Variants in ETV6 observed in about 807,000 individuals in gnomAD.
ETV6 encodes the protein transcription factor ETV6.
A neutral mutation model predicts 51.1 loss-of-function variants in ETV6; 16 were observed. The ratio of observed to expected loss-of-function variants is 0.31; its 90% CI spans 0.21 to 0.48. The LOEUF (loss-of-function observed/expected upper bound fraction) is 0.48. Ranked by LOEUF, ETV6 falls within the 20% of genes least tolerant of loss-of-function variation. The probability of loss-of-function intolerance (pLI) is 0.99; values close to 1 mark genes in which losing one functional copy is unlikely to be tolerated. For missense variants in ETV6, 458 were observed against 594.8 expected (o/e 0.77, Z 2.39); for synonymous variants, 240 against 224.1 (o/e 1.07, Z -0.64).
At chr12:11,840,012 A>C (rs1466625891) in intron 3 of ETV6, among the ~76,000 whole-genome samples, 1 of 152,234 alleles carries the variant, frequency 6.6e-6, no homozygotes, top group Admixed American at 6.5e-5. Context: ...TAGAAAAGAA[A>C]ATAGAACTGG....
At chr12:11,775,690 A>C (rs1025148759) in intron 2 of ETV6, among the ~76,000 whole-genome samples, 4 of 152,200 alleles carry the variant, frequency 2.6e-5, no homozygotes, top group African/African-American at 9.7e-5. Flanking sequence ...GTCATTGCTC[A>C]CACTGAGTCC....
intron 1 of ETV6, among the ~76,000 whole-genome samples, chr12:11,727,764 A>G (rs1251825576): frequency 6.6e-6 from 1 of 152,228 alleles, no homozygotes; most frequent in Admixed American, 6.5e-5. Flanking sequence ...TGGTGGCTCC[A>G]TGACAGGAGA....
At chr12:11,863,036 T>G (rs1946738071) in intron 4 of ETV6, among the ~76,000 whole-genome samples, 1 of 152,168 alleles carries the variant, frequency 6.6e-6, no homozygotes, top group South Asian at 2.1e-4. Flanking sequence ...CTGGTGACCT[T>G]CTTCTCTGAC....
At chr12:11,812,316 A>G (rs1250019063) in intron 2 of ETV6, among the ~76,000 whole-genome samples, 5 of 152,094 alleles carry the variant, frequency 3.3e-5, no homozygotes, top group African/African-American at 9.7e-5. Flanking sequence ...TGGCTGTACT[A>G]TGTGCTGTTA....
intron 2 of ETV6, among the ~76,000 whole-genome samples, chr12:11,789,046 G>C (rs1308721417): frequency 3.9e-5 from 6 of 151,968 alleles, no homozygotes; most frequent in Admixed American, 3.9e-4. Flanking sequence ...TGTTGTTGCT[G>C]TTTTGAGACA....
chr12:11,669,195 ATAG>A (rs1186266641), intron 1 of ETV6, among the ~76,000 whole-genome samples: 3 of 152,222 alleles, frequency 2.0e-5, no homozygotes, highest in Non-Finnish European at 4.4e-5. Context: ...TTCACAAATC[ATAG>A]TAGAACTCTT....
chr12:11,722,300 A>G (rs1430968160), intron 1 of ETV6, among the ~76,000 whole-genome samples: 2 of 152,178 alleles, frequency 1.3e-5, no homozygotes, highest in African/African-American at 2.4e-5. Flanking sequence ...GAACAGTGAA[A>G]TGGCCAAAAG....
chr12:11,893,794 TTATATATATATATATATA>T lies in ETV6; in HGVS notation c.*2779_*2796del, dbSNP rs57308697. 2.9e-3 allele frequency: 233 copies of T among 79,472 alleles called. 2 individuals carry two copies. The highest frequency in any genetic ancestry group is 0.02 in the South Asian group (40 of 2,038). The allele number at this position is 79,472 out of a possible 1,614,324, so 4.9% of individuals were successfully genotyped here. A position where few individuals can be genotyped will look rare whatever the true frequency, so the allele number is the denominator to read the frequency against. On this transcript the variant is annotated 3_prime_UTR_variant, in exon 8 of 8. Transcript: ENST00000396373. ...GTGTCCATCCCCAAGATCTCTCATTTTATATATATATATATATATATATATATATATATATATATATAT... is the reference window on the plus strand; with the variant it reads ...GTGTCCATCCCCAAGATCTCTCATTTTATATATATATATATATATATATAT...
intron 1 of ETV6, among the ~76,000 whole-genome samples, chr12:11,743,443 G>A (rs948792092): frequency 1.3e-5 from 2 of 152,268 alleles, no homozygotes; most frequent in African/African-American, 2.4e-5. Flanking sequence ...TTGTAACCCA[G>A]CCTTCTTCCT....
Position 11,862,988 on chromosome 12 carries a change from G to A in ETV6, c.464-6436G>A, listed in dbSNP as rs190547419. ...TGAAACCCAGTGGACTGAGGCTTGA[G>A]TGAGCATTACCTCCTGGGCCTGTTG... On this transcript the variant is annotated intron_variant, in intron 4 of 7. Transcript: ENST00000396373. Among the ~76,000 whole-genome samples, 177 of 152,304 alleles carry A rather than the reference G, an allele frequency of 1.2e-3. 1 individual carries two copies. The highest frequency in any genetic ancestry group is 6.7e-3 in the Admixed American group (103 of 15,306).
intron 1 of ETV6, among the ~76,000 whole-genome samples, chr12:11,706,077 G>T (rs907713665): frequency 1.3e-5 from 2 of 152,238 alleles, no homozygotes; most frequent in African/African-American, 4.8e-5. Flanking sequence ...GACTTCTTTA[G>T]GATGGGGATG....
At chr12:11,670,004 C>CGAATG (rs1389163452) in intron 1 of ETV6, among the ~76,000 whole-genome samples, 2 of 150,836 alleles carry the variant, frequency 1.3e-5, no homozygotes, top group African/African-American at 5.0e-5. Context: ...CTACCCCAAT[C>CGAATG]ACATTCCTTC....
intron 2 of ETV6, among the ~76,000 whole-genome samples, chr12:11,799,172 C>T (rs1033490232): frequency 6.6e-6 from 1 of 152,168 alleles, no homozygotes; most frequent in African/African-American, 2.4e-5. Flanking sequence ...TACCCACAGA[C>T]ATTCTTATCC....
intron 2 of ETV6, among the ~76,000 whole-genome samples, chr12:11,764,463 C>T (rs7963499): frequency 0.19 from 28,264 of 152,136 alleles, 2,833 homozygotes; most frequent in East Asian, 0.33. Flanking sequence ...AGTACACTGG[C>T]GATTTGAGAA....
chr12:11,854,927 CA>C (rs1946608046), intron 4 of ETV6, among the ~76,000 whole-genome samples: 1 of 152,024 alleles, frequency 6.6e-6, no homozygotes, highest in African/African-American at 2.4e-5. Context: ...TGGTAGAAAG[CA>C]AAAGACCAGA....
chr12:11,754,814 A>G (rs865965247), intron 2 of ETV6, among the ~76,000 whole-genome samples: 1 of 152,232 alleles, frequency 6.6e-6, no homozygotes, highest in Admixed American at 6.5e-5. Context: ...ATAATAGCTA[A>G]TATTTATCAC....
chr12:11,846,581 C>G (rs901777813), intron 3 of ETV6, among the ~76,000 whole-genome samples: 42 of 151,826 alleles, frequency 2.8e-4, no homozygotes, highest in African/African-American at 9.9e-4. Flanking sequence ...AGCAAATAGC[C>G]GAAGGAAACC....
chr12:11,711,429 A>G (rs1207585228), intron 1 of ETV6, among the ~76,000 whole-genome samples: 1 of 152,230 alleles, frequency 6.6e-6, no homozygotes, highest in Non-Finnish European at 1.5e-5. Context: ...TGGAGGGAAC[A>G]GAAGTGATCC....
At chr12:11,827,544 G>A (rs1591703281) in intron 2 of ETV6, among the ~76,000 whole-genome samples, 3 of 151,532 alleles carry the variant, frequency 2.0e-5, no homozygotes, top group South Asian at 2.1e-4. Flanking sequence ...CAGCCCCCGC[G>A]CCCTGCCCCC....
Sources: allele counts gnomAD v4.1 joint callset (sites outside exome capture counted in the v4.1 genomes callset), GRCh38; gene constraint gnomAD v4.1.1; transcripts MANE v1.5; gene names NCBI Gene and HGNC (gene_info 2026-07-23, HGNC 2026-07-21).